The following RAB18 variants were observed in gnomAD, a reference collection of about 807,000 sequenced individuals.
RAB18 encodes the protein RAB18, member RAS oncogene family, also known as ras-related protein Rab-18.
Under a neutral mutation model 28.5 loss-of-function variants are expected in RAB18, and 10 were observed. That is an observed-to-expected ratio of 0.35 (90% CI 0.22 to 0.60). The LOEUF (loss-of-function observed/expected upper bound fraction) is 0.60, where lower values mean the gene tolerates loss of function less well. Ranked by LOEUF, RAB18 falls within the 20% of genes least tolerant of loss-of-function variation. The probability of loss-of-function intolerance (pLI) is 0.78; values close to 1 mark genes in which losing one functional copy is unlikely to be tolerated. For synonymous variants in RAB18, 93 were observed against 86.9 expected, an observed-to-expected ratio of 1.07 and a Z score of -0.39; for missense variants, 188 against 244.2, an observed-to-expected ratio of 0.77 and a Z score of 1.53.
At chr10:27,512,684 G>A (rs1000405991) in intron 2 of RAB18, among the ~76,000 whole-genome samples, 5 of 152,048 alleles carry the variant, frequency 3.3e-5, no homozygotes, top group Non-Finnish European at 7.4e-5. Context: ...AGTACGTATT[G>A]GTATTGGCTA....
At chr10:27,520,608 A>G (rs1834525957) in intron 2 of RAB18, among the ~76,000 whole-genome samples, 1 of 152,066 alleles carries the variant, frequency 6.6e-6, no homozygotes, top group South Asian at 2.1e-4. Flanking sequence ...CCTTTATAAT[A>G]TATTCATTTA....
intron 2 of RAB18, among the ~76,000 whole-genome samples, chr10:27,513,747 C>G (rs1834375574): frequency 6.6e-6 from 1 of 152,154 alleles, no homozygotes; most frequent in African/African-American, 2.4e-5. Flanking sequence ...GGCTGTGGAG[C>G]TCAGAGACAA....
At chr10:27,517,166 C>T (rs1468413342) in intron 2 of RAB18, among the ~76,000 whole-genome samples, 1 of 152,098 alleles carries the variant, frequency 6.6e-6, no homozygotes, top group Non-Finnish European at 1.5e-5. Flanking sequence ...AGTTCAAGAA[C>T]AGCCTGTCCA....
At chr10:27,527,595 T>TATTA (rs145975305) in intron 3 of RAB18, among the ~76,000 whole-genome samples, 75,096 of 150,790 alleles carry the variant, frequency 0.5, 18,815 homozygotes, top group South Asian at 0.52. Context: ...TATATATGTA[T>TATTA]ATTCTAAATA....
At chr10:27,516,655 G>A (rs192062319) in intron 2 of RAB18, among the ~76,000 whole-genome samples, 183 of 151,962 alleles carry the variant, frequency 1.2e-3, no homozygotes, top group African/African-American at 4.1e-3. Context: ...GCTAAATCCA[G>A]CCTCCCAACT....
chr10:27,526,995 TAAA>T, intron 3 of RAB18, 106 bp downstream of exon 3: 2 of 1,219,294 alleles, frequency 1.6e-6, no homozygotes, highest in Non-Finnish European at 2.4e-6. Context: ...CAATTTGTAT[TAAA>T]TAACTTTTGG....
In RAB18 at chr10:27,541,580, C is replaced by T. The variant is rs1311069225; in HGVS notation, c.*3529C>T. The T allele has an allele frequency of 2.2e-6, 1 of 453,474 alleles. No homozygotes were observed. Among genetic ancestry groups the T allele is most frequent in the Non-Finnish European group, 4.4e-6 (1 of 226,718 alleles). 28.1% of individuals were successfully genotyped at this position (453,474 alleles called of 1,614,324 possible). ...CACATATTTTGAATAGTCGTGTGTT[C>T]ATGCCTGTTCTCAGTCTTGTCCCCT... On this transcript the variant is annotated 3_prime_UTR_variant, in exon 7 of 7. Transcript: ENST00000356940.
chr10:27,527,229 A>G (rs1589580230), intron 3 of RAB18, among the ~76,000 whole-genome samples: 1 of 152,172 alleles, frequency 6.6e-6, no homozygotes, highest in Admixed American at 6.5e-5. Flanking sequence ...ACTAAAGACA[A>G]TTTTTAAGGG....
chr10:27,505,060 C>T lies in RAB18; in HGVS notation c.68+623C>T, dbSNP rs191392441. 4.7e-4 allele frequency: 251 copies of T among 533,504 alleles called. 1 individual carries two copies. Among genetic ancestry groups the T allele is most frequent in the African/African-American group, 4.2e-3 (220 of 52,084 alleles). The allele number at this position is 533,504 out of a possible 1,614,324, so 33.0% of individuals were successfully genotyped here. A position where few individuals can be genotyped will look rare whatever the true frequency, so the allele number is the denominator to read the frequency against. ...GTCCGAGTGCTTCAGCCGTGGGCCA[C>T]CTTTGAAAATAAAATGTAATTGTTA... is the stretch of plus-strand genomic sequence containing the variant. On this transcript the variant is annotated intron_variant, in intron 1 of 6. Coordinates refer to ENST00000356940, the MANE Select transcript of RAB18 (RefSeq NM_021252.5).
intron 6 of RAB18, among the ~76,000 whole-genome samples, chr10:27,536,750 A>G (rs1364771102): frequency 3.3e-5 from 5 of 152,234 alleles, no homozygotes; most frequent in Admixed American, 2.6e-4. Context: ...CAGATACCAA[A>G]GATGTCAAAT....
In RAB18 at chr10:27,533,814, T is replaced by C. The variant is rs772686590; in HGVS notation, c.339T>C (p.Asn113=). 6.2e-7 allele frequency: 1 copy of C among 1,613,750 alleles called. No individual in the cohort carries two copies. Among genetic ancestry groups the C allele is most frequent in the East Asian group, 2.2e-5 (1 of 44,784 alleles). ...AATTGGAAACATACTGTACAAGAAA[T>C]GACATAGTAAACATGCTAGTTGGAA... ...LNELETYCTR[N]DIVNMLVGNK... Residue 113 remains asparagine, a synonymous_variant, in exon 5 of 7, where the codon AAT becomes AAC. Transcript: ENST00000356940.
At chr10:27,536,076 T>C (rs894649721) in intron 6 of RAB18, among the ~76,000 whole-genome samples, 12 of 140,970 alleles carry the variant, frequency 8.5e-5, no homozygotes, top group Non-Finnish European at 1.1e-4. Context: ...AGCGAGACTC[T>C]GTCTCAAAAA....
rs766592831 is a variant in RAB18, at chr10:27,538,101, T to C, written c.*50T>C. ...ATATTTGATCAGATAGTGACATCTT[T>C]CTGTATATAAACTCTTTAACTGCTA... is the stretch of plus-strand genomic sequence containing the variant. On this transcript the variant is annotated 3_prime_UTR_variant, in exon 7 of 7. Transcript: ENST00000356940. The C allele has an allele frequency of 1.9e-6, 3 of 1,609,046 alleles. No individual in the cohort carries two copies. Among genetic ancestry groups the C allele is most frequent in the Non-Finnish European group, 2.6e-6 (3 of 1,175,448 alleles).
intron 3 of RAB18, among the ~76,000 whole-genome samples, chr10:27,531,024 T>C (rs1247491213): frequency 6.6e-6 from 1 of 152,000 alleles, no homozygotes; most frequent in African/African-American, 2.4e-5. Context: ...AATATGCAAA[T>C]TGAATAATTT....
At chr10:27,536,129 T>C (rs904646096) in intron 6 of RAB18, among the ~76,000 whole-genome samples, 1 of 150,956 alleles carries the variant, frequency 6.6e-6, no homozygotes, top group African/African-American at 2.4e-5. Flanking sequence ...GTTTTAGGCA[T>C]GAGCAGTGAG....
At chr10:27,522,213 A>C (rs987335252) in intron 2 of RAB18, among the ~76,000 whole-genome samples, 1 of 152,128 alleles carries the variant, frequency 6.6e-6, no homozygotes, top group Non-Finnish European at 1.5e-5. Flanking sequence ...AATTCTATCA[A>C]GTGTTTGCTT....
Position 27,531,551 on chromosome 10 carries a change from C to A in RAB18, c.187-956C>A, listed in dbSNP as rs529205730. The A allele has an allele frequency of 6.8e-5, 99 of 1,452,734 alleles. No homozygotes were observed. The African/African-American group carries it at 1.2e-3, about 18-fold the overall frequency. 90.0% of individuals were successfully genotyped at this position (1,452,734 alleles called of 1,614,324 possible). ...TAGGTTACTTTGCATCAGCAGACTG[C>A]AAACTTTTTCTTAAAGAGCCAGATA... On this transcript the variant is annotated intron_variant, in intron 3 of 6. Transcript: ENST00000356940.
Position 27,541,577 on chromosome 10 carries a change from G to A in RAB18, c.*3526G>A, listed in dbSNP as rs781019165. 5 of 452,742 alleles carry A rather than the reference G, an allele frequency of 1.1e-5. No homozygotes were observed. Among genetic ancestry groups the A allele is most frequent in the Non-Finnish European group, 2.2e-5 (5 of 226,618 alleles). The allele number at this position is 452,742 out of a possible 1,614,324, so 28.0% of individuals were successfully genotyped here. A position where few individuals can be genotyped will look rare whatever the true frequency, so the allele number is the denominator to read the frequency against. ...ACACACATATTTTGAATAGTCGTGT[G>A]TTCATGCCTGTTCTCAGTCTTGTCC... On this transcript the variant is annotated 3_prime_UTR_variant, in exon 7 of 7. Coordinates refer to ENST00000356940, the MANE Select transcript of RAB18 (RefSeq NM_021252.5).
At chr10:27,509,298 T>A (rs1037862366) in intron 1 of RAB18, among the ~76,000 whole-genome samples, 5 of 152,204 alleles carry the variant, frequency 3.3e-5, no homozygotes, top group Non-Finnish European at 7.4e-5. Flanking sequence ...TTTTACACAC[T>A]CTACCTAGTG....
Sources: allele counts gnomAD v4.1 joint callset (sites outside exome capture counted in the v4.1 genomes callset), GRCh38; gene constraint gnomAD v4.1.1; transcripts MANE v1.5; gene names NCBI Gene and HGNC (gene_info 2026-07-23, HGNC 2026-07-21).